SEC24D: variants seen among roughly 807,000 people sequenced by gnomAD.
The protein encoded by SEC24D is protein transport protein Sec24D.
In SEC24D, 69 loss-of-function variants were observed where a neutral mutation model predicts 116.9. The observed-to-expected ratio is 0.59, with a 90% CI of 0.49 to 0.72. The LOEUF (loss-of-function observed/expected upper bound fraction) is 0.72. Ranked by LOEUF, SEC24D falls within the 30% of genes least tolerant of loss-of-function variation. SEC24D has a pLI of 0.00. For synonymous variants in SEC24D, 405 were observed against 442.8 expected (o/e 0.91, Z 1.07); for missense variants, 1,131 against 1,264.1 (o/e 0.89, Z 1.60).
chr4:118,751,380 G>C lies in SEC24D; in HGVS notation c.1707+616C>G, dbSNP rs776662056. 3.3e-5 allele frequency among the ~76,000 whole-genome samples: 5 copies of C among 152,140 alleles called. No homozygotes were observed. The East Asian group carries it at 9.7e-4, about 29-fold the overall frequency. On this transcript the variant is annotated intron_variant, in intron 13 of 22. Coordinates refer to ENST00000280551, the MANE Select transcript of SEC24D (RefSeq NM_014822.4). ...TTTAGTAGAGACGGGGTTTCTCCAT[G>C]TTGGTCAGGCTGGACTCAAACTCCC...
chr4:118,833,877 T>C, intron 1 of SEC24D, 140 bp from the exon 2 acceptor site: 1 of 532,564 alleles, frequency 1.9e-6, no homozygotes, highest in East Asian at 3.3e-5. Flanking sequence ...ATCTTTGTAT[T>C]ATACAATATA....
chr4:118,739,381 A>G, intron 17 of SEC24D, 94 bp from the exon 18 acceptor site: 3 of 1,166,424 alleles, frequency 2.6e-6, no homozygotes, highest in Non-Finnish European at 3.6e-6. Flanking sequence ...CACTGTGTAC[A>G]GATAGATAAA....
intron 10 of SEC24D, among the ~76,000 whole-genome samples, chr4:118,762,606 A>G (rs1410707192): frequency 6.6e-6 from 1 of 152,226 alleles, no homozygotes; most frequent in East Asian, 1.9e-4. Context: ...TAAAAAATAC[A>G]TGTACAAATT....
chr4:118,833,428 A>G (rs1730960254), intron 2 of SEC24D, 151 bp downstream of exon 2: 2 of 611,102 alleles, frequency 3.3e-6, no homozygotes, highest in East Asian at 2.8e-5. Context: ...GAGTTCTGCT[A>G]TGAGAGCCTT....
At chr4:118,806,023 T>C in intron 6 of SEC24D, 69 bp from the exon 7 acceptor site, 1 of 969,322 alleles carries the variant, frequency 1.0e-6, no homozygotes, top group Non-Finnish European at 1.6e-6. Context: ...ATTTAGAGAG[T>C]ACCCTTGCTC....
Position 118,833,533 on chromosome 4 carries a change from CCTGAGAA to C in SEC24D, c.118+39_118+45del, listed in dbSNP as rs763363082. 86 of 1,281,444 alleles carry C rather than the reference CCTGAGAA, an allele frequency of 6.7e-5. No homozygotes were observed. The East Asian group carries it at 2.0e-3, about 30-fold the overall frequency. 79.4% of individuals were successfully genotyped at this position (1,281,444 alleles called of 1,614,324 possible). A position where few individuals can be genotyped will look rare whatever the true frequency, so the allele number is the denominator to read the frequency against. ...TTTCAGAACATCTTATGTCTCTGAGCCTGAGAACTGAATAATCACATACAAGTCAAAA... is the reference window on the plus strand; with the variant it reads ...TTTCAGAACATCTTATGTCTCTGAGCCTGAATAATCACATACAAGTCAAAA... On this transcript the variant is annotated intron_variant, in intron 2 of 22. Transcript: ENST00000280551.
intron 2 of SEC24D, among the ~76,000 whole-genome samples, chr4:118,825,216 G>A (rs1027577324): frequency 1.2e-4 from 18 of 152,128 alleles, no homozygotes; most frequent in African/African-American, 4.3e-4. Context: ...AAAAGCAGAT[G>A]GGGAGTAGGG....
intron 2 of SEC24D, among the ~76,000 whole-genome samples, chr4:118,832,542 T>C (rs115576673): frequency 1.2e-3 from 190 of 152,180 alleles, no homozygotes; most frequent in African/African-American, 4.1e-3. Flanking sequence ...TAGAGTGTTA[T>C]ACTTAGGTGT....
At chr4:118,798,758 G>A (rs1729291475) in intron 7 of SEC24D, among the ~76,000 whole-genome samples, 1 of 152,214 alleles carries the variant, frequency 6.6e-6, no homozygotes, top group Admixed American at 6.5e-5. Flanking sequence ...TACTTACAAG[G>A]TAGGCCTTAT....
At chr4:118,766,075 G>T (rs1400202302) in intron 9 of SEC24D, among the ~76,000 whole-genome samples, 2 of 152,130 alleles carry the variant, frequency 1.3e-5, no homozygotes, top group Admixed American at 6.6e-5. Context: ...GGCTATCTTA[G>T]AATGCATAGT....
chr4:118,725,630 T>G (rs1017407784), intron 22 of SEC24D, among the ~76,000 whole-genome samples: 4 of 152,182 alleles, frequency 2.6e-5, no homozygotes, highest in Non-Finnish European at 4.4e-5. Flanking sequence ...TTTTTTTTGT[T>G]TTTGTGTGGT....
At chr4:118,793,612 GGAA>G (rs1450576197) in intron 8 of SEC24D, among the ~76,000 whole-genome samples, 1 of 152,058 alleles carries the variant, frequency 6.6e-6, no homozygotes. Flanking sequence ...TGCCCAAAAA[GGAA>G]GACATTTTTT....
intron 20 of SEC24D, 23 bp from the exon 21 acceptor site, chr4:118,731,530 G>C (rs777158522): frequency 6.2e-7 from 1 of 1,602,872 alleles, no homozygotes; most frequent in South Asian, 1.1e-5. Flanking sequence ...AGACAAAAGA[G>C]TTAGAAACTC....
intron 8 of SEC24D, among the ~76,000 whole-genome samples, chr4:118,791,579 A>AGACTG (rs1417031058): frequency 6.6e-6 from 1 of 151,822 alleles, no homozygotes; most frequent in African/African-American, 2.4e-5. Context: ...TGCCGAGCCG[A>AGACTG]GACTGGACTG....
At chr4:118,733,155 C>T in intron 19 of SEC24D, 2 of 338,864 alleles carry the variant, frequency 5.9e-6, no homozygotes, top group Non-Finnish European at 5.4e-6. Context: ...ATCAGCACTA[C>T]CCACTCACTG....
intron 3 of SEC24D, among the ~76,000 whole-genome samples, chr4:118,824,359 TG>T (rs1311922764): frequency 1.3e-5 from 2 of 152,174 alleles, no homozygotes; most frequent in Admixed American, 1.3e-4. Context: ...TTGCCTAGCC[TG>T]GTCTCAAACT....
chr4:118,727,426 GT>G (rs1379784971), intron 22 of SEC24D, among the ~76,000 whole-genome samples: 2 of 152,116 alleles, frequency 1.3e-5, no homozygotes, highest in Admixed American at 1.3e-4. Flanking sequence ...AAAGTTTAAT[GT>G]TTTTCCCTGA....
chr4:118,751,059 GTTAAT>G (rs992612209), intron 13 of SEC24D, among the ~76,000 whole-genome samples: 7 of 150,446 alleles, frequency 4.7e-5, no homozygotes, highest in Admixed American at 2.7e-4. Flanking sequence ...TATGTTAAAA[GTTAAT>G]TTAAATTTAA....
chr4:118,819,799 C>T (rs139082296), intron 3 of SEC24D, among the ~76,000 whole-genome samples: 4 of 152,102 alleles, frequency 2.6e-5, no homozygotes, highest in East Asian at 1.9e-4. Flanking sequence ...ACAGGTAGGA[C>T]AAAATATATT....
Sources: allele counts gnomAD v4.1 joint callset (sites outside exome capture counted in the v4.1 genomes callset), GRCh38; gene constraint gnomAD v4.1.1; transcripts MANE v1.5; gene names NCBI Gene and HGNC (gene_info 2026-07-23, HGNC 2026-07-21).